CFAP251: variants seen among roughly 807,000 people sequenced by gnomAD.
CFAP251 encodes cilia- and flagella-associated protein 251.
CFAP251 carries 93 observed loss-of-function variants against 126.7 expected under a neutral mutation model. The observed-to-expected ratio is 0.73, with a 90% CI of 0.62 to 0.87. The LOEUF (loss-of-function observed/expected upper bound fraction) is 0.87. Among genes scored for constraint, CFAP251 ranks in the 40% least tolerant of loss-of-function variants. The probability of loss-of-function intolerance (pLI) is 0.00; values close to 1 mark genes in which losing one functional copy is unlikely to be tolerated. For synonymous variants in CFAP251, 503 were observed against 506.9 expected, an observed-to-expected ratio of 0.99 and a Z score of 0.10; for missense variants, 1,287 against 1,389.2, an observed-to-expected ratio of 0.93 and a Z score of 1.17.
In CFAP251 at chr12:121,976,736, A is replaced by G. The variant is rs1202579929; in HGVS notation, c.3006+1051A>G. Among the ~76,000 whole-genome samples, 5 of 151,980 alleles carry G rather than the reference A, an allele frequency of 3.3e-5. No individual in the cohort carries two copies. The East Asian group carries it at 9.7e-4, about 29-fold the overall frequency. ...AGCCAGGGTAACATAGAGAGATCCT[A>G]TCTATACCCATCCCCCCCAAAAAAT... is the stretch of plus-strand genomic sequence containing the variant. On this transcript the variant is annotated intron_variant, in intron 19 of 21. Coordinates refer to ENST00000288912, the MANE Select transcript of CFAP251 (RefSeq NM_144668.6).
chr12:121,977,756 C>G (rs1176493375), intron 19 of CFAP251, among the ~76,000 whole-genome samples: 1 of 150,974 alleles, frequency 6.6e-6, no homozygotes, highest in Non-Finnish European at 1.5e-5. Context: ...AAGATCGAGA[C>G]CATCCTGGCT....
At position 121,960,582 on chromosome 12, in the gene CFAP251, C is replaced by G; in HGVS notation, c.2134-3C>G. On this transcript the variant is annotated splice_region_variant and splice_polypyrimidine_tract_variant and intron_variant, in intron 13 of 21. Coordinates refer to ENST00000288912, the MANE Select transcript of CFAP251 (RefSeq NM_144668.6). ...TAACTCCTTCTCTTTTGCTCATCTTCAGGATAGAAGTTTTACTGTGGCTGT... is the reference window on the plus strand; with the variant it reads ...TAACTCCTTCTCTTTTGCTCATCTTGAGGATAGAAGTTTTACTGTGGCTGT... The G allele has an allele frequency of 3.1e-6, 5 of 1,613,942 alleles. No homozygotes were observed. Among genetic ancestry groups the G allele is most frequent in the Non-Finnish European group, 4.2e-6 (5 of 1,179,928 alleles).
chr12:121,928,642 A>ATATATACGTG (rs1488035955), intron 3 of CFAP251, among the ~76,000 whole-genome samples: 4 of 30,036 alleles, frequency 1.3e-4, no homozygotes, highest in Non-Finnish European at 9.3e-5. Context: ...ATATACGTAT[A>ATATATACGTG]TATATATATA....
intron 19 of CFAP251, among the ~76,000 whole-genome samples, chr12:121,994,451 G>GA (rs200657448): frequency 0.21 from 20,147 of 97,744 alleles, 3,694 homozygotes; most frequent in East Asian, 0.46. Flanking sequence ...CCCCGTCTGG[G>GA]ACGTGTGCCC....
chr12:121,967,344 C>T (rs1882177444), intron 16 of CFAP251, among the ~76,000 whole-genome samples: 2 of 152,222 alleles, frequency 1.3e-5, no homozygotes, highest in South Asian at 4.1e-4. Flanking sequence ...CATGGAAAAA[C>T]TCTTGTAAAA....
At chr12:122,002,289 A>G (rs1461588957) in intron 21 of CFAP251, among the ~76,000 whole-genome samples, 1 of 151,944 alleles carries the variant, frequency 6.6e-6, no homozygotes, top group Non-Finnish European at 1.5e-5. Context: ...CAGGAGGTGG[A>G]GGTTGCAGTG....
At chr12:121,962,209 C>A in intron 15 of CFAP251, 47 bp downstream of exon 15, 1 of 1,573,642 alleles carries the variant, frequency 6.4e-7, no homozygotes, top group Non-Finnish European at 8.7e-7. Flanking sequence ...ATCAAGTTCT[C>A]TGCCCCCAAC....
intron 19 of CFAP251, among the ~76,000 whole-genome samples, chr12:121,986,134 C>T (rs1182933716): frequency 2.0e-5 from 3 of 151,790 alleles, no homozygotes; most frequent in East Asian, 1.9e-4. Flanking sequence ...TGGAATTACC[C>T]GCAGTGCCAC....
In CFAP251 at chr12:121,921,311, A is replaced by G. The variant is rs529582331; in HGVS notation, c.6A>G (p.Ser2=). 3.8e-6 allele frequency: 6 copies of G among 1,584,922 alleles called. No individual in the cohort carries two copies. The African/African-American group carries it at 5.5e-5, about 14-fold the overall frequency. The change falls in exon 2 of 22, where the codon TCA becomes TCG. Residue 2 remains serine (S), a synonymous_variant. Transcript: ENST00000288912. The part of the protein sequence containing the change: M[S]DAAEAPREAT... ...AGGAAACTCTACAGAGAAGAATGTC[A>G]GATGCAGCAGAAGCTCCCCGAGAAG...
intron 9 of CFAP251, chr12:121,952,960 GT>G (rs1256183985): frequency 6.6e-6 from 1 of 152,028 alleles, no homozygotes; most frequent in Non-Finnish European, 1.5e-5. Context: ...ATAGGGGTAG[GT>G]TTCTGTGAGC....
chr12:122,000,558 AAAAG>A (rs1252406674), intron 20 of CFAP251, among the ~76,000 whole-genome samples: 11 of 151,880 alleles, frequency 7.2e-5, no homozygotes, highest in African/African-American at 2.4e-4. Context: ...AAAAAAAAAA[AAAAG>A]AAAGAAAAAA....
In CFAP251 at chr12:121,975,561, A is replaced by T; in HGVS notation, c.2882A>T (p.Tyr961Phe). 5 of 1,608,288 alleles carry T rather than the reference A, an allele frequency of 3.1e-6. No homozygotes were observed. Among genetic ancestry groups the T allele is most frequent in the Non-Finnish European group, 4.2e-6 (5 of 1,178,632 alleles). The change falls in exon 19 of 22, where the codon TAC becomes TTC. Residue 961 changes from tyrosine to phenylalanine, a missense_variant. Tyr to Phe is a conservative substitution (Grantham distance 22). Coordinates refer to ENST00000288912, the MANE Select transcript of CFAP251 (RefSeq NM_144668.6). Reference protein sequence around the residue: ...KFYRELEDYFYYSQLRSQGID... With the variant: ...KFYRELEDYFFYSQLRSQGID... ...ACATAGGAGCTAGAAGACTACTTCT[A>T]CTATTCTCAGCTCCGCAGTCAAGGC...
At position 121,975,568 on chromosome 12, in the gene CFAP251, T is replaced by G; in HGVS notation, c.2889T>G (p.Ser963=). Residue 963 remains serine, a synonymous_variant, in exon 19 of 22, where the codon TCT becomes TCG. Transcript: ENST00000288912. The part of the protein sequence containing the change: ...YRELEDYFYY[S]QLRSQGIDTM... ...AGCTAGAAGACTACTTCTACTATTCTCAGCTCCGCAGTCAAGGCATCGACA... is the reference window on the plus strand; with the variant it reads ...AGCTAGAAGACTACTTCTACTATTCGCAGCTCCGCAGTCAAGGCATCGACA... 2 of 1,607,572 alleles carry G rather than the reference T, an allele frequency of 1.2e-6. No individual in the cohort carries two copies. The highest frequency in any genetic ancestry group is 1.7e-6 in the Non-Finnish European group (2 of 1,178,454).
At chr12:121,961,274 C>T (rs1443412800) in intron 14 of CFAP251, among the ~76,000 whole-genome samples, 3 of 146,186 alleles carry the variant, frequency 2.1e-5, no homozygotes, top group Non-Finnish European at 4.5e-5. Flanking sequence ...CCCCTCTCTC[C>T]CTCCCTCCCT....
intron 15 of CFAP251, among the ~76,000 whole-genome samples, chr12:121,965,147 A>C (rs2135789220): frequency 6.6e-6 from 1 of 152,364 alleles, no homozygotes; most frequent in East Asian, 1.9e-4. Context: ...AAAAGATTTG[A>C]AAGAACATGA....
intron 14 of CFAP251, 24 bp from the exon 15 acceptor site, chr12:121,961,954 G>A: frequency 1.9e-6 from 3 of 1,607,644 alleles, no homozygotes; most frequent in Non-Finnish European, 2.5e-6. Context: ...GTCCTCATGT[G>A]TGTCCATCTG....
intron 12 of CFAP251, 145 bp from the exon 13 acceptor site, chr12:121,958,798 C>A: frequency 9.3e-7 from 1 of 1,079,404 alleles, no homozygotes; most frequent in Non-Finnish European, 1.3e-6. Context: ...CCCAGGAGAT[C>A]ACGCGTTTCG....
rs187510681 is a variant in CFAP251 at position 121,920,380 on chromosome 12, C to A, written c.-20-906C>A. 1.2e-3 allele frequency among the ~76,000 whole-genome samples: 171 copies of A among 146,362 alleles called. 2 individuals carry two copies. Among genetic ancestry groups the A allele is most frequent in the African/African-American group, 3.9e-3 (157 of 40,060 alleles). Reference sequence around the variant, plus strand: ...GTAGCTCAGATTACAGGCACCACCACCACACCAGGCTTTTTGTATTTTTTT... The same window carrying A: ...GTAGCTCAGATTACAGGCACCACCAACACACCAGGCTTTTTGTATTTTTTT... On this transcript the variant is annotated intron_variant, in intron 1 of 21. Transcript: ENST00000288912.
chr12:121,982,381 AT>A (rs1296231709), intron 19 of CFAP251, among the ~76,000 whole-genome samples: 594 of 136,932 alleles, frequency 4.3e-3, no homozygotes, highest in African/African-American at 6.8e-3. Flanking sequence ...AGGATTCTTG[AT>A]TTTTTTTTTT....
Sources: gnomAD v4.1 joint callset for allele counts (sites outside exome capture counted in the v4.1 genomes callset) on GRCh38, gnomAD v4.1.1 for gene constraint, MANE v1.5 for transcripts, NCBI Gene and HGNC (gene_info 2026-07-23, HGNC 2026-07-21) for gene names.